NTAN1: variants seen among roughly 807,000 people sequenced by gnomAD.
The protein encoded by NTAN1 is protein N-terminal asparagine amidohydrolase.
NTAN1 carries 32 observed loss-of-function variants against 41.9 expected under a neutral mutation model. The observed-to-expected ratio is 0.76, with a 90% CI of 0.58 to 1.03. The LOEUF is 1.03. Among genes scored for constraint, NTAN1 ranks in the 50% least tolerant of loss-of-function variants. The pLI, the probability that NTAN1 is intolerant of heterozygous loss-of-function variation, is 0.00. For synonymous variants in NTAN1, 140 were observed against 139.5 expected (o/e 1.00, Z -0.03); for missense variants, 377 against 377.5 (o/e 1.00, Z 0.01).
rs202125067 is a variant in NTAN1 at position 15,038,700 on chromosome 16, G to T, written c.640-13C>A. ...AAATGCTAATCATCTAAAAAAGAAC[G>T]TGTCAAGGATAGAATTTCAGGAATG... On this transcript the variant is annotated splice_polypyrimidine_tract_variant and intron_variant, in intron 8 of 9. Coordinates refer to ENST00000287706, the MANE Select transcript of NTAN1 (RefSeq NM_173474.4). 2.3e-5 allele frequency: 33 copies of T among 1,420,834 alleles called. No homozygotes were observed. In the East Asian group the frequency reaches 7.1e-4, roughly 30 times the overall value. 88.0% of individuals were successfully genotyped at this position (1,420,834 alleles called of 1,614,324 possible).
intron 1 of NTAN1, among the ~76,000 whole-genome samples, chr16:15,054,710 G>T (rs1028879106): frequency 3.9e-5 from 6 of 152,148 alleles, no homozygotes; most frequent in African/African-American, 1.4e-4. Flanking sequence ...CCTCATTTAT[G>T]CAGCAAATCT....
In NTAN1 at chr16:15,055,373, C is replaced by A. The variant is rs186282500; in HGVS notation, c.81+518G>T. On this transcript the variant is annotated intron_variant, in intron 1 of 9. Transcript: ENST00000287706. Reference sequence around the variant, plus strand: ...CGGCTAAAAATAACTCGGCGCCCTACGCCCCGGGGGTAGGGGAGAGAGAGG... The same window carrying A: ...CGGCTAAAAATAACTCGGCGCCCTAAGCCCCGGGGGTAGGGGAGAGAGAGG... Among the ~76,000 whole-genome samples, 460 of 152,328 alleles carry A rather than the reference C, an allele frequency of 3.0e-3. 1 individual carries two copies. Among genetic ancestry groups the A allele is most frequent in the African/African-American group, 0.011 (443 of 41,574 alleles).
intron 1 of NTAN1, among the ~76,000 whole-genome samples, chr16:15,050,006 A>G (rs747582112): frequency 3.9e-5 from 6 of 152,192 alleles, no homozygotes; most frequent in Non-Finnish European, 7.3e-5. Context: ...TGTGCCAAAA[A>G]AGCAAACATG....
At chr16:15,047,631 G>A (rs2044129118) in intron 3 of NTAN1, 81 bp from the exon 4 acceptor site, 12 of 1,079,438 alleles carry the variant, frequency 1.1e-5, no homozygotes, top group South Asian at 2.5e-5. Flanking sequence ...CTGTCCCTCC[G>A]GACCGCCTCA....
At chr16:15,038,551 T>C (rs1332170319) in intron 9 of NTAN1, 23 bp downstream of exon 9, 1 of 1,302,774 alleles carries the variant, frequency 7.7e-7, no homozygotes. Context: ...GATTTAAGAC[T>C]TACCCAGCCT....
chr16:15,047,761 C>T, intron 3 of NTAN1, 94 bp downstream of exon 3: 2 of 1,138,458 alleles, frequency 1.8e-6, no homozygotes, highest in Non-Finnish European at 1.3e-6. Context: ...AGTCCGCTTC[C>T]AACAAGACAC....
intron 1 of NTAN1, among the ~76,000 whole-genome samples, chr16:15,049,730 T>C (rs1305024594): frequency 6.6e-6 from 1 of 152,128 alleles, no homozygotes; most frequent in African/African-American, 2.4e-5. Flanking sequence ...CAGCCCCCTG[T>C]GTAATTTGTA....
intron 5 of NTAN1, among the ~76,000 whole-genome samples, chr16:15,041,911 T>C (rs1230612527): frequency 6.6e-6 from 1 of 152,188 alleles, no homozygotes; most frequent in Admixed American, 6.5e-5. Flanking sequence ...CGAAGGAGCC[T>C]GGGCTGAGCC....
chr16:15,041,240 A>G, intron 6 of NTAN1, 119 bp from the exon 7 acceptor site: 1 of 726,286 alleles, frequency 1.4e-6, no homozygotes, highest in South Asian at 1.6e-5. Context: ...AAAATTCCAG[A>G]AAATGAAAGG....
At chr16:15,046,894 G>A (rs1398951846) in intron 4 of NTAN1, among the ~76,000 whole-genome samples, 1 of 151,526 alleles carries the variant, frequency 6.6e-6, no homozygotes, top group East Asian at 1.9e-4. Context: ...AAGAGAACAA[G>A]AAAAAAAACT....
chr16:15,041,318 C>T (rs2043805305), intron 6 of NTAN1, among the ~76,000 whole-genome samples, 197 bp from the exon 7 acceptor site: 1 of 152,112 alleles, frequency 6.6e-6, no homozygotes, highest in Admixed American at 6.5e-5. Flanking sequence ...CTGGCAGCTG[C>T]AGAATCGGTC....
rs777706076 is a variant in NTAN1, at chr16:15,038,190, C to CA, written c.773dup (p.Ala259GlyfsTer2). On this transcript the variant is annotated frameshift_variant, in exon 10 of 10. Coordinates refer to ENST00000287706, the MANE Select transcript of NTAN1 (RefSeq NM_173474.4). LOFTEE classifies it high-confidence loss of function. Reference sequence around the variant, plus strand: ...GTTCAACAAAGTGGGGTGGCTCAGCCAGAGGCGAAGTGGAAAGATTCTGAA... The same window carrying CA: ...GTTCAACAAAGTGGGGTGGCTCAGCCAAGAGGCGAAGTGGAAAGATTCTGAA... The CA allele has an allele frequency of 6.2e-7, 1 of 1,612,714 alleles. No individual in the cohort carries two copies. The highest frequency in any genetic ancestry group is 1.3e-5 in the African/African-American group (1 of 74,852).
intron 7 of NTAN1, chr16:15,040,472 GTGAACAC>G (rs1202312020): frequency 1.6e-5 from 3 of 185,682 alleles, no homozygotes; most frequent in African/African-American, 4.7e-5. Context: ...GAATAGAACA[GTGAACAC>G]TGTGTACCTA....
At chr16:15,047,708 G>A (rs1235845840) in intron 3 of NTAN1, 147 bp downstream of exon 3, 4 of 890,688 alleles carry the variant, frequency 4.5e-6, no homozygotes, top group Middle Eastern at 2.3e-4. Flanking sequence ...TTCTGACCAG[G>A]ACACCAGGGA....
chr16:15,053,781 T>G (rs1390810503), intron 1 of NTAN1, among the ~76,000 whole-genome samples: 2 of 152,062 alleles, frequency 1.3e-5, no homozygotes, highest in Non-Finnish European at 2.9e-5. Flanking sequence ...TGTGGTGGCA[T>G]GCACCTGTAA....
intron 9 of NTAN1, 121 bp from the exon 10 acceptor site, chr16:15,038,331 G>C (rs1258426762): frequency 1.1e-5 from 8 of 755,516 alleles, no homozygotes; most frequent in Non-Finnish European, 1.7e-5. Context: ...GTTAAGAAAT[G>C]AGGTGGCCTG....
chr16:15,048,123 AAT>A (rs1459785584), intron 1 of NTAN1, 24 bp from the exon 2 acceptor site: 3 of 1,478,204 alleles, frequency 2.0e-6, no homozygotes, highest in African/African-American at 2.8e-5. Context: ...AAAAAAATAA[AAT>A]AGTGATGTAA....
At chr16:15,046,970 CCACCCAA>C (rs2151712714) in intron 4 of NTAN1, among the ~76,000 whole-genome samples, 1 of 152,140 alleles carries the variant, frequency 6.6e-6, no homozygotes, top group East Asian at 1.9e-4. Context: ...CCCCGCCTCA[CCACCCAA>C]CACCCCATCT....
At chr16:15,044,250 G>A in intron 5 of NTAN1, 84 bp downstream of exon 5, 3 of 902,690 alleles carry the variant, frequency 3.3e-6, no homozygotes, top group Non-Finnish European at 5.4e-6. Context: ...CTTGGGTTTT[G>A]TACCAATTGG....
Sources: allele counts gnomAD v4.1 joint callset (sites outside exome capture counted in the v4.1 genomes callset), GRCh38; gene constraint gnomAD v4.1.1; transcripts MANE v1.5; gene names NCBI Gene and HGNC (gene_info 2026-07-23, HGNC 2026-07-21).